GPC5: variants seen among roughly 807,000 people sequenced by gnomAD.
GPC5 encodes glypican 5, also known as glypican-5.
A neutral mutation model predicts 53.9 loss-of-function variants in GPC5; 47 were observed. The observed-to-expected ratio is 0.87, with a 90% CI of 0.69 to 1.11. GPC5 has a LOEUF of 1.11. Among genes scored for constraint, GPC5 ranks in the 50% most tolerant of loss-of-function variants. The pLI is 0.00. For synonymous variants in GPC5, 286 were observed against 263.3 expected (o/e 1.09, Z -0.84); for missense variants, 748 against 713.1 (o/e 1.05, Z -0.56).
At chr13:92,504,360 G>T (rs1242036566) in intron 7 of GPC5, among the ~76,000 whole-genome samples, 1 of 151,866 alleles carries the variant, frequency 6.6e-6, no homozygotes, top group African/African-American at 2.4e-5. Flanking sequence ...CAAATGGAGA[G>T]TTATCACATA....
At chr13:92,527,108 AAAAGAAAGAAAGAAAGAAAG>A (rs58356455) in intron 7 of GPC5, among the ~76,000 whole-genome samples, 481 of 39,024 alleles carry the variant, frequency 0.012, 20 homozygotes, top group Admixed American at 0.032. Context: ...AAAGAAAGAA[AAAAGAAAGAAAGAAAGAAAG>A]AAAGAAAGAA....
intron 7 of GPC5, among the ~76,000 whole-genome samples, chr13:92,667,642 C>T (rs1886619862): frequency 6.6e-6 from 1 of 151,988 alleles, no homozygotes; most frequent in Non-Finnish European, 1.5e-5. Flanking sequence ...AGATGGCTGA[C>T]ATTGCTGCTT....
At chr13:92,575,280 C>G (rs1048306981) in intron 7 of GPC5, among the ~76,000 whole-genome samples, 2 of 152,150 alleles carry the variant, frequency 1.3e-5, no homozygotes, top group African/African-American at 4.8e-5. Flanking sequence ...AGGAGACCAT[C>G]CTGGACTTAG....
intron 7 of GPC5, among the ~76,000 whole-genome samples, chr13:92,689,559 C>G (rs1367624006): frequency 8.8e-5 from 6 of 68,086 alleles, no homozygotes; most frequent in African/African-American, 2.4e-4. Context: ...GAATTTAGTC[C>G]ATTTATATTT....
At chr13:91,851,549 T>C (rs1027478764) in intron 5 of GPC5, among the ~76,000 whole-genome samples, 3 of 151,604 alleles carry the variant, frequency 2.0e-5, no homozygotes, top group African/African-American at 7.3e-5. Context: ...GTGCACATTG[T>C]GCAGGTTAGT....
At chr13:92,443,983 C>T (rs1877688708) in intron 7 of GPC5, among the ~76,000 whole-genome samples, 1 of 152,112 alleles carries the variant, frequency 6.6e-6, no homozygotes, top group Non-Finnish European at 1.5e-5. Flanking sequence ...TCAGCTGCTA[C>T]ATGTGGGAGC....
chr13:91,567,055 G>A (rs932111382), intron 2 of GPC5, among the ~76,000 whole-genome samples: 2 of 151,488 alleles, frequency 1.3e-5, no homozygotes, highest in African/African-American at 4.9e-5. Flanking sequence ...GTTTCCATTG[G>A]CTCCCATCAT....
At chr13:92,238,361 CA>C (rs1364162081) in intron 7 of GPC5, among the ~76,000 whole-genome samples, 1 of 151,966 alleles carries the variant, frequency 6.6e-6, no homozygotes, top group Non-Finnish European at 1.5e-5. Flanking sequence ...CAATACTTAT[CA>C]ATACTTATTT....
intron 5 of GPC5, among the ~76,000 whole-genome samples, chr13:91,821,815 T>A (rs111263064): frequency 0.031 from 4,766 of 152,248 alleles, 259 homozygotes; most frequent in African/African-American, 0.11. Context: ...ATAAAATCAA[T>A]TTATTAATAT....
intron 7 of GPC5, among the ~76,000 whole-genome samples, chr13:92,754,895 C>A (rs1274566756): frequency 6.8e-6 from 1 of 147,806 alleles, no homozygotes; most frequent in Non-Finnish European, 1.5e-5. Flanking sequence ...ACTTTAACAC[C>A]CCACTGTCAA....
intron 2 of GPC5, among the ~76,000 whole-genome samples, chr13:91,522,307 A>G (rs980858428): frequency 7.2e-5 from 11 of 152,114 alleles, no homozygotes; most frequent in Non-Finnish European, 1.6e-4. Context: ...GAAGCCCCCT[A>G]TGGGCTTCAA....
At chr13:92,517,317 C>T (rs1428518589) in intron 7 of GPC5, among the ~76,000 whole-genome samples, 2 of 152,216 alleles carry the variant, frequency 1.3e-5, no homozygotes, top group African/African-American at 4.8e-5. Flanking sequence ...ATGTCCCTGT[C>T]TGACAGCTTT....
intron 6 of GPC5, among the ~76,000 whole-genome samples, chr13:92,086,349 C>T (rs1427234886): frequency 2.0e-5 from 3 of 152,168 alleles, no homozygotes; most frequent in African/African-American, 4.8e-5. Context: ...GTGACATTAG[C>T]GCATTTATGC....
intron 7 of GPC5, among the ~76,000 whole-genome samples, chr13:92,253,136 T>C (rs1222679038): frequency 3.3e-5 from 5 of 152,128 alleles, no homozygotes; most frequent in Admixed American, 6.6e-5. Context: ...AATTTCTCCA[T>C]ATAGGATAAA....
chr13:91,419,638 T>G (rs866941628), intron 1 of GPC5, among the ~76,000 whole-genome samples: 3 of 152,220 alleles, frequency 2.0e-5, no homozygotes, highest in African/African-American at 7.2e-5. Flanking sequence ...ATATTTGGAT[T>G]GTGGTTATCG....
chr13:91,689,184 AATATATAT>A (rs1169911890), intron 2 of GPC5, among the ~76,000 whole-genome samples: 803 of 49,568 alleles, frequency 0.016, 13 homozygotes, highest in Middle Eastern at 0.026. Flanking sequence ...ATCATATATA[AATATATAT>A]ATATATATAT....
In GPC5 at chr13:92,395,667, G is replaced by A. The variant is rs554265976; in HGVS notation, c.1561+250678G>A. 8.7e-4 allele frequency among the ~76,000 whole-genome samples: 133 copies of A among 152,134 alleles called. 1 individual carries two copies. The highest frequency in any genetic ancestry group is 3.0e-3 in the African/African-American group (125 of 41,512). ...TCTTTATTTTGCCTTCACTTTTACA[G>A]GAAAATTTCAGTGAATACAGAAATC... On this transcript the variant is annotated intron_variant, in intron 7 of 7. Transcript: ENST00000377067.
intron 7 of GPC5, among the ~76,000 whole-genome samples, chr13:92,368,477 C>G (rs56252114): frequency 2.0e-5 from 3 of 150,770 alleles, no homozygotes; most frequent in Non-Finnish European, 3.0e-5. Context: ...AACCCTGTCT[C>G]TACTAAAAAT....
chr13:91,523,452 G>C (rs1033204315), intron 2 of GPC5, among the ~76,000 whole-genome samples: 1 of 152,174 alleles, frequency 6.6e-6, no homozygotes, highest in Admixed American at 6.6e-5. Flanking sequence ...TGGAAGACAT[G>C]TTAAATAAAA....
Sources: gnomAD v4.1 joint callset for allele counts (sites outside exome capture counted in the v4.1 genomes callset) on GRCh38, gnomAD v4.1.1 for gene constraint, MANE v1.5 for transcripts, NCBI Gene and HGNC (gene_info 2026-07-23, HGNC 2026-07-21) for gene names.